The following FGGY variants were observed in gnomAD, a reference collection of about 807,000 sequenced individuals.
FGGY encodes FGGY carbohydrate kinase domain containing, also known as FGGY carbohydrate kinase domain-containing protein.
A neutral mutation model predicts 71.3 loss-of-function variants in FGGY; 72 were observed. The ratio of observed to expected loss-of-function variants is 1.01; its 90% CI spans 0.84 to 1.23. The LOEUF (loss-of-function observed/expected upper bound fraction) is 1.23, where lower values mean the gene tolerates loss of function less well. FGGY is among the 50% of genes most tolerant of loss of function. The pLI is 0.00. For missense variants in FGGY, 668 were observed against 682.3 expected, an observed-to-expected ratio of 0.98 and a Z score of 0.23; for synonymous variants, 251 against 250.3, an observed-to-expected ratio of 1.00 and a Z score of -0.02.
chr1:59,371,906 G>A (rs1483069101), intron 4 of FGGY, among the ~76,000 whole-genome samples: 2 of 152,206 alleles, frequency 1.3e-5, no homozygotes, highest in Admixed American at 1.3e-4. Context: ...CACGTTCAAA[G>A]CAGTGTGTAG....
At chr1:59,615,875 A>T (rs1032074776) in intron 9 of FGGY, among the ~76,000 whole-genome samples, 1 of 152,220 alleles carries the variant, frequency 6.6e-6, no homozygotes, top group Non-Finnish European at 1.5e-5. Flanking sequence ...ACATTTATGT[A>T]GCCAAAAGAC....
At chr1:59,469,738 C>T (rs1458943027) in intron 6 of FGGY, among the ~76,000 whole-genome samples, 3 of 152,102 alleles carry the variant, frequency 2.0e-5, no homozygotes, top group Admixed American at 1.3e-4. Flanking sequence ...CCTCTTCCTC[C>T]TCCCACCCTT....
intron 14 of FGGY, among the ~76,000 whole-genome samples, chr1:59,709,442 G>A (rs2097778153): frequency 6.8e-6 from 1 of 147,806 alleles, no homozygotes; most frequent in South Asian, 2.2e-4. Flanking sequence ...TGAGATTTAG[G>A]TGGAGACACA....
chr1:59,714,125 A>T (rs2097823696), intron 14 of FGGY, among the ~76,000 whole-genome samples: 1 of 152,216 alleles, frequency 6.6e-6, no homozygotes, highest in Non-Finnish European at 1.5e-5. Flanking sequence ...TATTAATAAT[A>T]ACATTCCCTT....
chr1:59,346,555 G>T (rs2051962610), intron 4 of FGGY, among the ~76,000 whole-genome samples, 157 bp downstream of exon 4: 1 of 152,150 alleles, frequency 6.6e-6, no homozygotes, highest in African/African-American at 2.4e-5. Context: ...TTACAGTGTA[G>T]TTAAATCACA....
At chr1:59,434,889 A>G (rs1197980690) in intron 5 of FGGY, among the ~76,000 whole-genome samples, 1 of 152,184 alleles carries the variant, frequency 6.6e-6, no homozygotes, top group East Asian at 1.9e-4. Context: ...AAAGACATTC[A>G]CAGTTACACA....
At chr1:59,449,194 C>T (rs1238369022) in intron 5 of FGGY, among the ~76,000 whole-genome samples, 1 of 152,078 alleles carries the variant, frequency 6.6e-6, no homozygotes, top group Non-Finnish European at 1.5e-5. Context: ...TGTAATGTAC[C>T]TGTTTATTCC....
At chr1:59,366,756 T>C (rs1234807897) in intron 4 of FGGY, among the ~76,000 whole-genome samples, 1 of 152,130 alleles carries the variant, frequency 6.6e-6, no homozygotes, top group Admixed American at 6.5e-5. Flanking sequence ...AAGGTAGATT[T>C]AGGTATATCA....
At chr1:59,547,788 C>A (rs2095549557) in intron 7 of FGGY, among the ~76,000 whole-genome samples, 1 of 152,150 alleles carries the variant, frequency 6.6e-6, no homozygotes, top group Admixed American at 6.5e-5. Flanking sequence ...ATATTTTTCA[C>A]CTTTATTCAT....
intron 11 of FGGY, among the ~76,000 whole-genome samples, chr1:59,653,575 C>T (rs1048572615): frequency 6.6e-6 from 1 of 152,248 alleles, no homozygotes; most frequent in African/African-American, 2.4e-5. Flanking sequence ...ACCCCTTGCG[C>T]TTCCCAGGTG....
chr1:59,418,949 T>A (rs1440850504), intron 5 of FGGY, among the ~76,000 whole-genome samples: 9 of 152,010 alleles, frequency 5.9e-5, no homozygotes, highest in Non-Finnish European at 1.0e-4. Flanking sequence ...CTAGGGACAA[T>A]ACATAGAAAA....
At chr1:59,567,287 T>C (rs2095889666) in intron 8 of FGGY, among the ~76,000 whole-genome samples, 1 of 152,208 alleles carries the variant, frequency 6.6e-6, no homozygotes, top group Non-Finnish European at 1.5e-5. Flanking sequence ...ACAACCGAGT[T>C]GTCCACTGAA....
intron 11 of FGGY, among the ~76,000 whole-genome samples, chr1:59,655,700 C>T (rs1489206963): frequency 1.3e-5 from 2 of 152,138 alleles, no homozygotes; most frequent in East Asian, 1.9e-4. Context: ...ACAGTTGGCA[C>T]CATAAGAGTT....
intron 8 of FGGY, among the ~76,000 whole-genome samples, chr1:59,558,956 A>G (rs1008421939): frequency 1.1e-4 from 16 of 152,186 alleles, no homozygotes; most frequent in African/African-American, 3.9e-4. Context: ...GAAGAAAAAT[A>G]TGGCTCTTTT....
intron 5 of FGGY, among the ~76,000 whole-genome samples, chr1:59,431,658 A>G (rs997720065): frequency 3.9e-5 from 6 of 152,230 alleles, no homozygotes; most frequent in Admixed American, 3.3e-4. Context: ...TTTCAACCAC[A>G]GCTTCCTTCA....
chr1:59,654,319 C>T (rs557423964), intron 11 of FGGY, among the ~76,000 whole-genome samples: 1 of 152,292 alleles, frequency 6.6e-6, no homozygotes, highest in East Asian at 1.9e-4. Context: ...TTTCTCTGAT[C>T]CTCCTCATTG....
At chr1:59,532,883 A>T (rs114794666) in intron 7 of FGGY, among the ~76,000 whole-genome samples, 1 of 152,322 alleles carries the variant, frequency 6.6e-6, no homozygotes, top group East Asian at 1.9e-4. Context: ...ATCTATAGAT[A>T]AAATATTAAA....
At chr1:59,585,627 A>G (rs2096271922) in intron 8 of FGGY, among the ~76,000 whole-genome samples, 1 of 152,230 alleles carries the variant, frequency 6.6e-6, no homozygotes, top group African/African-American at 2.4e-5. Context: ...CTTCATGTCT[A>G]AAACACCAAA....
chr1:59,600,721 G>C (rs542500186), intron 8 of FGGY, among the ~76,000 whole-genome samples: 1 of 152,128 alleles, frequency 6.6e-6, no homozygotes, highest in African/African-American at 2.4e-5. Context: ...CAGCTCTGTG[G>C]TTAATGAGAT....
Sources: allele counts gnomAD v4.1 joint callset (sites outside exome capture counted in the v4.1 genomes callset), GRCh38; gene constraint gnomAD v4.1.1; transcripts MANE v1.5; gene names NCBI Gene and HGNC (gene_info 2026-07-23, HGNC 2026-07-21).